Variants in ERCC1 observed in about 807,000 individuals in gnomAD.
ERCC1 encodes ERCC excision repair 1, endonuclease non-catalytic subunit.
In ERCC1, 36 loss-of-function variants were observed where a neutral mutation model predicts 37.6. The observed-to-expected ratio is 0.96, with a 90% CI of 0.73 to 1.26. The LOEUF is 1.26. ERCC1 is among the 50% of genes most tolerant of loss of function. The pLI, the probability that ERCC1 is intolerant of heterozygous loss-of-function variation, is 0.00. For missense variants in ERCC1, 349 were observed against 376.5 expected, an observed-to-expected ratio of 0.93 and a Z score of 0.60; for synonymous variants, 156 against 162.1, an observed-to-expected ratio of 0.96 and a Z score of 0.28.
intron 5 of ERCC1, among the ~76,000 whole-genome samples, chr19:45,417,285 G>A (rs1487784596): frequency 6.6e-6 from 1 of 152,130 alleles, no homozygotes; most frequent in African/African-American, 2.4e-5. Context: ...ACAGTCTGAT[G>A]AGCAGGACAG....
At position 45,421,240 on chromosome 19, in the gene ERCC1, T is replaced by C. The variant is rs913752655; in HGVS notation, c.259A>G (p.Thr87Ala). 1 of 1,614,140 alleles carries C rather than the reference T, an allele frequency of 6.2e-7. No homozygotes were observed. Among genetic ancestry groups the C allele is most frequent in the Non-Finnish European group, 8.5e-7 (1 of 1,180,012 alleles). The change falls in exon 3 of 10, where the codon ACG (threonine) becomes GCG (alanine). Residue 87 changes from threonine (T) to alanine (A), a missense_variant. Thr to Ala is a moderately conservative substitution (Grantham distance 58). Coordinates refer to ENST00000300853, the MANE Select transcript of ERCC1 (RefSeq NM_001983.4). Reference protein sequence around the residue: ...PTGSEPLAGETPNQALKPGAK... With the variant: ...PTGSEPLAGEAPNQALKPGAK... ...CCGGGTTTCAGGGCCTGGTTGGGCG[T>C]CTCTCCTGCCAGGGGCTCTGACCCT...
At chr19:45,446,742 G>A (rs1966953976) in intron 1 of ERCC1, among the ~76,000 whole-genome samples, 1 of 152,168 alleles carries the variant, frequency 6.6e-6, no homozygotes, top group Admixed American at 6.6e-5. Context: ...GCTCACAACT[G>A]TAATCCCGGA....
rs757903060 is a variant in ERCC1 at position 45,423,303 on chromosome 19, T to C, written c.72A>G (p.Ile24Met). Residue 24 changes from isoleucine (I) to methionine (M), a missense_variant, in exon 2 of 10, where the codon ATA becomes ATG. By Grantham distance (10) the Ile-to-Met change is conservative. Coordinates refer to ENST00000300853, the MANE Select transcript of ERCC1 (RefSeq NM_001983.4). ...GAGGGACCTCATCCTCGTCGAGGGGTATCACAAATTTCTTCCTTGCTGGCG... is the reference window on the plus strand; with the variant it reads ...GAGGGACCTCATCCTCGTCGAGGGGCATCACAAATTTCTTCCTTGCTGGCG... ...SGPPARKKFV[I>M]PLDEDEVPPG... is the part of the protein sequence containing the mutation. 1.2e-6 allele frequency: 2 copies of C among 1,613,538 alleles called. No individual in the cohort carries two copies. The highest frequency in any genetic ancestry group is 1.7e-4 in the Middle Eastern group (1 of 6,060).
Position 45,413,689 on chromosome 19 carries a change from C to G in ERCC1, c.831G>C (p.Leu277=). ...SREDLALCPG[L]GPQKARRLFD... ...CCAGAGCTCTTACTTTCTGAGGGCC[C>G]AGGCCTGGGCATAAGGCCAGATCTT... Residue 277 remains leucine, a synonymous_variant, in exon 9 of 10, where the codon CTG becomes CTC. Coordinates refer to ENST00000300853, the MANE Select transcript of ERCC1 (RefSeq NM_001983.4). The G allele has an allele frequency of 6.2e-7, 1 of 1,614,164 alleles. No homozygotes were observed. Among genetic ancestry groups the G allele is most frequent in the East Asian group, 2.2e-5 (1 of 44,882 alleles).
chr19:45,421,253 G>C lies in ERCC1; in HGVS notation c.246C>G (p.Pro82=), dbSNP rs759880847. 2 of 1,614,196 alleles carry C rather than the reference G, an allele frequency of 1.2e-6. No individual in the cohort carries two copies. The highest frequency in any genetic ancestry group is 1.7e-6 in the Non-Finnish European group (2 of 1,180,036). Reference sequence around the variant, plus strand: ...CCTGGTTGGGCGTCTCTCCTGCCAGGGGCTCTGACCCTGTGGGGCACGTGG... The same window carrying C: ...CCTGGTTGGGCGTCTCTCCTGCCAGCGGCTCTGACCCTGTGGGGCACGTGG... ...AGATCPTGSE[P]LAGETPNQAL... Residue 82 remains proline (P), a synonymous_variant, in exon 3 of 10, where the codon CCC becomes CCG. Coordinates refer to ENST00000300853, the MANE Select transcript of ERCC1 (RefSeq NM_001983.4).
intron 1 of ERCC1, among the ~76,000 whole-genome samples, chr19:45,441,747 G>A (rs1049442985): frequency 2.0e-5 from 3 of 150,262 alleles, no homozygotes; most frequent in East Asian, 3.9e-4. Context: ...GCGGGATCTC[G>A]GCTCACTGCA....
intron 1 of ERCC1, among the ~76,000 whole-genome samples, chr19:45,436,178 TCA>T (rs1434456371): frequency 3.3e-5 from 5 of 152,120 alleles, no homozygotes; most frequent in Admixed American, 1.3e-4. Context: ...TCTCTGAGCC[TCA>T]GTTTCCTTCC....
Position 45,407,484 on chromosome 19 carries a change from A to G in ERCC1, c.*2191T>C, listed in dbSNP as rs1356235211. On this transcript the variant is annotated 3_prime_UTR_variant, in exon 10 of 10. Transcript: ENST00000300853. ...TAGTTAAACTTGGAGTGTGCAGATA[A>G]GCTCACTAAAGGTAGGGGCTATTGG... 1.1e-5 allele frequency: 5 copies of G among 468,460 alleles called. No homozygotes were observed. In the Admixed American group the frequency reaches 1.7e-4, roughly 16 times the overall value. 29.0% of individuals were successfully genotyped at this position (468,460 alleles called of 1,614,324 possible).
intron 1 of ERCC1, among the ~76,000 whole-genome samples, chr19:45,441,194 C>G (rs924854873): frequency 6.6e-6 from 1 of 152,210 alleles, no homozygotes; most frequent in Admixed American, 6.5e-5. Context: ...CTGAGATTCT[C>G]AGTGCCCACT....
At chr19:45,419,247 C>G (rs149626321) in intron 4 of ERCC1, 50 bp from the exon 5 acceptor site, 5 of 1,288,730 alleles carry the variant, frequency 3.9e-6, no homozygotes, top group Non-Finnish European at 5.5e-6. Flanking sequence ...TCTTCAAGAC[C>G]CCCAAAGCCC....
intron 2 of ERCC1, among the ~76,000 whole-genome samples, chr19:45,422,036 G>T (rs1316749386): frequency 6.6e-6 from 1 of 151,900 alleles, no homozygotes; most frequent in Non-Finnish European, 1.5e-5. Context: ...CCACTCCTCA[G>T]CCTCCACTCT....
At chr19:45,436,393 G>A (rs1053205970) in intron 1 of ERCC1, among the ~76,000 whole-genome samples, 9 of 152,058 alleles carry the variant, frequency 5.9e-5, no homozygotes, top group Non-Finnish European at 1.0e-4. Flanking sequence ...TTGGGAGGCC[G>A]AGGCGGGCGG....
At chr19:45,410,948 C>T (rs574763666) in intron 9 of ERCC1, among the ~76,000 whole-genome samples, 1 of 152,216 alleles carries the variant, frequency 6.6e-6, no homozygotes, top group East Asian at 1.9e-4. Context: ...CTCAGCCTCC[C>T]AAGTAGTTGT....
upstream of ERCC1, among the ~76,000 whole-genome samples, chr19:45,428,283 G>C (rs1397618785): frequency 6.8e-6 from 1 of 146,506 alleles, no homozygotes; most frequent in Non-Finnish European, 1.5e-5. Context: ...CGTGGGGGTG[G>C]GGGGGTGGGG....
intron 1 of ERCC1, among the ~76,000 whole-genome samples, chr19:45,436,038 T>A (rs1334167780): frequency 6.6e-6 from 1 of 152,020 alleles, no homozygotes; most frequent in Non-Finnish European, 1.5e-5. Flanking sequence ...AGTGCTGAGA[T>A]TACAGACATG....
At chr19:45,413,169 G>C (rs1259331084) in intron 9 of ERCC1, among the ~76,000 whole-genome samples, 1 of 152,198 alleles carries the variant, frequency 6.6e-6, no homozygotes, top group Non-Finnish European at 1.5e-5. Flanking sequence ...TTTTCTTGTA[G>C]ACGTTTCATG....
At chr19:45,432,345 C>A (rs539962798) in intron 1 of ERCC1, among the ~76,000 whole-genome samples, 4 of 151,158 alleles carry the variant, frequency 2.6e-5, no homozygotes, top group African/African-American at 9.7e-5. Flanking sequence ...GGTCTTGTTG[C>A]GCTGCCCAGG....
At chr19:45,425,059 G>C (rs1974645963), upstream of ERCC1, among the ~76,000 whole-genome samples, 1 of 148,548 alleles carries the variant, frequency 6.7e-6, no homozygotes, top group East Asian at 2.0e-4. Context: ...GGGATTACAG[G>C]CATGTGCCAC....
intron 6 of ERCC1, 182 bp downstream of exon 6, chr19:45,416,639 A>G (rs1455691518): frequency 1.5e-5 from 2 of 134,522 alleles, no homozygotes; most frequent in African/African-American, 8.0e-5. Context: ...CTCTGTATCA[A>G]AAAAAAAAAA....
Sources: gnomAD v4.1 joint callset for allele counts (sites outside exome capture counted in the v4.1 genomes callset) on GRCh38, gnomAD v4.1.1 for gene constraint, MANE v1.5 for transcripts, NCBI Gene and HGNC (gene_info 2026-07-23, HGNC 2026-07-21) for gene names.